AK9: variants seen among roughly 807,000 people sequenced by gnomAD.
AK9 encodes the protein adenylate kinase 9.
A neutral mutation model predicts 239.6 loss-of-function variants in AK9; 191 were observed. That is an observed-to-expected ratio of 0.80 (90% CI 0.71 to 0.90). AK9 has a LOEUF of 0.90. Ranked by LOEUF, AK9 falls within the 40% of genes least tolerant of loss-of-function variation. AK9 has a pLI of 0.00. For missense variants in AK9, 1,995 were observed against 2,214.7 expected, an observed-to-expected ratio of 0.90 and a Z score of 1.99; for synonymous variants, 689 against 721.0, an observed-to-expected ratio of 0.96 and a Z score of 0.71.
rs751782121 is a variant in AK9, at chr6:109,671,901, A to G, written c.331+18T>C. ...TAAGGCTGCTTTGTGGGCTGTAAAT[A>G]TATTAAAATAAACATACCAAAGTGA... On this transcript the variant is annotated intron_variant, in intron 5 of 40. Coordinates refer to ENST00000424296, the MANE Select transcript of AK9 (RefSeq NM_001145128.3). 6.2e-7 allele frequency: 1 copy of G among 1,606,976 alleles called. No homozygotes were observed.
rs370370966 is a variant in AK9 at position 109,497,531 on chromosome 6, T to C, written c.5249A>G (p.Tyr1750Cys). Residue 1750 changes from tyrosine (Y) to cysteine (C), a missense_variant, in exon 38 of 41, where the codon TAT (tyrosine) becomes TGT (cysteine). Transcript: ENST00000424296. ...TATACGATTATGATATTCTAAAGCA[T>C]AGTTAATGCTACCAGGTACTAGAGC... is the stretch of plus-strand genomic sequence containing the variant. The part of the protein sequence containing the change: ...YEALVPGSIN[Y>C]ALEYHNRIYI... The C allele has an allele frequency of 1.2e-5, 20 of 1,609,066 alleles. No individual in the cohort carries two copies. The highest frequency in any genetic ancestry group is 8.3e-5 in the Admixed American group (5 of 59,898).
intron 8 of AK9, among the ~76,000 whole-genome samples, chr6:109,649,240 A>G (rs900981667): frequency 1.3e-5 from 2 of 152,030 alleles, no homozygotes; most frequent in Admixed American, 1.3e-4. Flanking sequence ...AGTTCTGGCC[A>G]GGGCAATCAG....
intron 29 of AK9, 72 bp from the exon 30 acceptor site, chr6:109,516,714 T>A: frequency 7.7e-7 from 1 of 1,295,898 alleles, no homozygotes; most frequent in Non-Finnish European, 1.1e-6. Flanking sequence ...ACAAATCATC[T>A]GGAATATTTT....
chr6:109,633,341 T>C lies in AK9; in HGVS notation c.934-18A>G, dbSNP rs1428264718. On this transcript the variant is annotated intron_variant, in intron 10 of 40. Coordinates refer to ENST00000424296, the MANE Select transcript of AK9 (RefSeq NM_001145128.3). ...AGCTCATCCTGTGAATTGCAAATAC[T>C]ACATTAAAAATATGGGCATAAATTT... 6.3e-7 allele frequency: 1 copy of C among 1,582,376 alleles called. No individual in the cohort carries two copies. The highest frequency in any genetic ancestry group is 1.2e-5 in the South Asian group (1 of 84,648).
rs913253769 is a variant in AK9, at chr6:109,516,331, A to G, written c.3846+99T>C. ...AAGGAAATACAGCCCTAAAATATAC[A>G]TTTTTTAAATGTTTAAAGAAATGGC... On this transcript the variant is annotated intron_variant, in intron 30 of 40. Coordinates refer to ENST00000424296, the MANE Select transcript of AK9 (RefSeq NM_001145128.3). The G allele has an allele frequency of 4.2e-5, 46 of 1,104,900 alleles. No individual in the cohort carries two copies. In the Middle Eastern group the frequency reaches 8.2e-4, roughly 20 times the overall value. 68.4% of individuals were successfully genotyped at this position (1,104,900 alleles called of 1,614,324 possible). A position where few individuals can be genotyped will look rare whatever the true frequency, so the allele number is the denominator to read the frequency against.
chr6:109,628,506 C>T (rs765152457), intron 12 of AK9, among the ~76,000 whole-genome samples: 7 of 152,094 alleles, frequency 4.6e-5, no homozygotes, highest in Non-Finnish European at 8.8e-5. Context: ...TTTCTCTTCC[C>T]GCAGGGATCA....
At chr6:109,629,318 T>C (rs1194994958) in intron 12 of AK9, among the ~76,000 whole-genome samples, 1 of 152,128 alleles carries the variant, frequency 6.6e-6, no homozygotes. Context: ...AACTAAAACA[T>C]AAGCAAAGGC....
At chr6:109,522,664 T>C (rs917251134) in intron 29 of AK9, among the ~76,000 whole-genome samples, 1 of 152,182 alleles carries the variant, frequency 6.6e-6, no homozygotes, top group Non-Finnish European at 1.5e-5. Flanking sequence ...TTTAATGATG[T>C]TTCCTGGGTT....
intron 1 of AK9, among the ~76,000 whole-genome samples, chr6:109,689,162 G>A (rs1440829651): frequency 2.0e-5 from 3 of 152,190 alleles, no homozygotes; most frequent in Non-Finnish European, 4.4e-5. Context: ...AATTGCAGTA[G>A]TGGATTCTGC....
chr6:109,519,979 T>C (rs1779669604), intron 29 of AK9, among the ~76,000 whole-genome samples: 1 of 152,244 alleles, frequency 6.6e-6, no homozygotes. Context: ...ATTGTTTAAG[T>C]TCCTTATAGA....
At position 109,516,520 on chromosome 6, in the gene AK9, A is replaced by G. The variant is rs746959626; in HGVS notation, c.3756T>C (p.Asp1252=). 1 of 1,551,702 alleles carries G rather than the reference A, an allele frequency of 6.4e-7. No homozygotes were observed. Among genetic ancestry groups the G allele is most frequent in the Non-Finnish European group, 8.7e-7 (1 of 1,147,008 alleles). ...CAATTGCATCAGTTTCCTGTTCTTC[A>G]TCTTCCTCGCCACTCATCTCTTCCT... ...KDEEEMSGEE[D]EEQETDAIER... is the part of the protein sequence containing the mutation. Residue 1252 remains aspartate, a synonymous_variant, in exon 30 of 41, where the codon GAT becomes GAC. Coordinates refer to ENST00000424296, the MANE Select transcript of AK9 (RefSeq NM_001145128.3).
intron 23 of AK9, 88 bp downstream of exon 23, chr6:109,563,992 A>C: frequency 7.7e-7 from 1 of 1,293,432 alleles, no homozygotes; most frequent in Non-Finnish European, 1.1e-6. Context: ...TTTACTTCAT[A>C]AACCATCAAA....
chr6:109,616,802 C>G (rs1794240749), intron 13 of AK9, among the ~76,000 whole-genome samples: 1 of 151,904 alleles, frequency 6.6e-6, no homozygotes. Context: ...TAGAATTGCT[C>G]ACCTACCTAA....
At chr6:109,574,061 C>T (rs1205279427) in intron 20 of AK9, among the ~76,000 whole-genome samples, 2 of 152,038 alleles carry the variant, frequency 1.3e-5, no homozygotes, top group African/African-American at 4.8e-5. Flanking sequence ...AAATATGTGA[C>T]TTTTAGAAAA....
At chr6:109,566,257 G>A (rs1030318618) in intron 21 of AK9, among the ~76,000 whole-genome samples, 4 of 152,200 alleles carry the variant, frequency 2.6e-5, no homozygotes, top group African/African-American at 2.4e-5. Flanking sequence ...TCAGGGTAGG[G>A]GGACAGAGTT....
intron 19 of AK9, among the ~76,000 whole-genome samples, chr6:109,581,582 G>A (rs917841796): frequency 3.9e-5 from 6 of 152,178 alleles, no homozygotes; most frequent in Non-Finnish European, 5.9e-5. Flanking sequence ...ATGGCTGAGG[G>A]AGGCAAGGAA....
intron 24 of AK9, among the ~76,000 whole-genome samples, chr6:109,556,310 T>C (rs1204329411): frequency 6.6e-6 from 1 of 152,130 alleles, no homozygotes; most frequent in Non-Finnish European, 1.5e-5. Context: ...GGGTTGAAAA[T>C]TCTTTAAGAA....
intron 25 of AK9, among the ~76,000 whole-genome samples, chr6:109,548,997 C>T (rs1236663542): frequency 2.0e-5 from 3 of 152,128 alleles, no homozygotes; most frequent in Non-Finnish European, 4.4e-5. Context: ...CCTTGTTAAG[C>T]TTCTGGAGGG....
intron 26 of AK9, among the ~76,000 whole-genome samples, 199 bp from the exon 27 acceptor site, chr6:109,542,370 T>C (rs1476567263): frequency 6.6e-6 from 1 of 152,032 alleles, no homozygotes; most frequent in African/African-American, 2.4e-5. Context: ...AAACATACAG[T>C]TAGATAGAAG....
Sources: allele counts gnomAD v4.1 joint callset (sites outside exome capture counted in the v4.1 genomes callset), GRCh38; gene constraint gnomAD v4.1.1; transcripts MANE v1.5; gene names NCBI Gene and HGNC (gene_info 2026-07-23, HGNC 2026-07-21).